COMMD10: variants seen among roughly 807,000 people sequenced by gnomAD.
COMMD10 encodes the protein COMM domain containing 10.
Under a neutral mutation model 28.9 loss-of-function variants are expected in COMMD10, and 33 were observed. The observed-to-expected ratio is 1.14, with a 90% CI of 0.87 to 1.53. The LOEUF (loss-of-function observed/expected upper bound fraction) is 1.53. COMMD10 is among the 40% of genes most tolerant of loss of function. COMMD10 has a pLI of 0.00. For synonymous variants in COMMD10, 110 were observed against 81.7 expected (o/e 1.35, Z -1.87); for missense variants, 310 against 233.4 (o/e 1.33, Z -2.14).
chr5:116,154,094 G>T lies in COMMD10; in HGVS notation c.510+19916G>T, dbSNP rs148451721. 1.1e-4 allele frequency among the ~76,000 whole-genome samples: 16 copies of T among 152,160 alleles called. No homozygotes were observed. In the East Asian group the frequency reaches 3.1e-3, roughly 29 times the overall value. On this transcript the variant is annotated intron_variant, in intron 5 of 6. Transcript: ENST00000274458. ...TGGAACAGACAGGCAGTGTCTGAGG[G>T]GACCTGAGTTCCCAGCCACCCAGCC...
chr5:116,118,330 C>G (rs1452037290), intron 4 of COMMD10, among the ~76,000 whole-genome samples: 1 of 152,120 alleles, frequency 6.6e-6, no homozygotes, highest in African/African-American at 2.4e-5. Context: ...AGAATATAAG[C>G]TCCTCAATGG....
At chr5:116,245,620 C>G (rs895298932) in intron 5 of COMMD10, among the ~76,000 whole-genome samples, 1 of 152,058 alleles carries the variant, frequency 6.6e-6, no homozygotes, top group African/African-American at 2.4e-5. Context: ...AATCCAGCGG[C>G]ACATCAAAAA....
At chr5:116,179,439 A>G (rs1009826692) in intron 5 of COMMD10, among the ~76,000 whole-genome samples, 3 of 152,084 alleles carry the variant, frequency 2.0e-5, no homozygotes, top group African/African-American at 4.8e-5. Context: ...TACTCTTTCC[A>G]TTCGTAAATA....
intron 5 of COMMD10, among the ~76,000 whole-genome samples, chr5:116,165,812 C>G (rs1193892486): frequency 1.3e-5 from 2 of 152,194 alleles, no homozygotes; most frequent in African/African-American, 4.8e-5. Flanking sequence ...CTAATTTAAC[C>G]TTAAATACTT....
chr5:116,116,723 T>A (rs1751247040), intron 4 of COMMD10, among the ~76,000 whole-genome samples: 1 of 89,866 alleles, frequency 1.1e-5, no homozygotes, highest in South Asian at 4.2e-4. Context: ...TTTTTTTTTT[T>A]TTTTTTGAGA....
intron 4 of COMMD10, among the ~76,000 whole-genome samples, chr5:116,122,876 G>T (rs1253028681): frequency 6.6e-6 from 1 of 152,056 alleles, no homozygotes; most frequent in Non-Finnish European, 1.5e-5. Context: ...GGAGATTTTG[G>T]GCTGAGACGA....
At chr5:116,184,575 A>C (rs1466237491) in intron 5 of COMMD10, among the ~76,000 whole-genome samples, 2 of 152,092 alleles carry the variant, frequency 1.3e-5, no homozygotes, top group Non-Finnish European at 2.9e-5. Flanking sequence ...TAGAAATAAG[A>C]TATAATGAAC....
chr5:116,124,226 A>G (rs951623806), intron 4 of COMMD10, among the ~76,000 whole-genome samples: 2 of 152,078 alleles, frequency 1.3e-5, no homozygotes, highest in Non-Finnish European at 2.9e-5. Context: ...ATTTCCTTCT[A>G]CATACTGCTA....
At chr5:116,129,065 A>G (rs890353599) in intron 4 of COMMD10, among the ~76,000 whole-genome samples, 1 of 151,906 alleles carries the variant, frequency 6.6e-6, no homozygotes, top group African/African-American at 2.4e-5. Context: ...ATGTAAACAT[A>G]CAATTCCACG....
In COMMD10 at chr5:116,085,095, TAGCTGATCCGTTA is replaced by T. The variant is rs754842131; in HGVS notation, c.41+7_41+19del. On this transcript the variant is annotated splice_donor_5th_base_variant and intron_variant, in intron 1 of 6. Coordinates refer to ENST00000274458, the MANE Select transcript of COMMD10 (RefSeq NM_016144.4). ...GCTGATCCTACGGGAGAGCCCCAGGTAGCTGATCCGTTAAGCTCTTGCGGTAGCCGCGCCCAGG... is the reference window on the plus strand; with the variant it reads ...GCTGATCCTACGGGAGAGCCCCAGGTAGCTCTTGCGGTAGCCGCGCCCAGG... The T allele has an allele frequency of 6.2e-7, 1 of 1,609,632 alleles. No individual in the cohort carries two copies. Among genetic ancestry groups the T allele is most frequent in the African/African-American group, 1.3e-5 (1 of 74,944 alleles).
intron 5 of COMMD10, among the ~76,000 whole-genome samples, chr5:116,193,536 A>G (rs1748428255): frequency 6.6e-6 from 1 of 152,188 alleles, no homozygotes; most frequent in East Asian, 1.9e-4. Flanking sequence ...CTCTTATGTC[A>G]GACAAAACAA....
chr5:116,168,352 C>T (rs1301720375), intron 5 of COMMD10, among the ~76,000 whole-genome samples: 1 of 151,984 alleles, frequency 6.6e-6, no homozygotes. Context: ...TCTTAGAGAC[C>T]TATGAAGAGA....
chr5:116,254,774 G>A (rs1312469972), intron 5 of COMMD10, among the ~76,000 whole-genome samples: 5 of 151,718 alleles, frequency 3.3e-5, no homozygotes, highest in African/African-American at 1.2e-4. Context: ...TGTATATTCT[G>A]TTGATTTGGG....
chr5:116,215,388 T>A (rs1328207098), intron 5 of COMMD10, among the ~76,000 whole-genome samples: 1 of 151,980 alleles, frequency 6.6e-6, no homozygotes, highest in Admixed American at 6.6e-5. Context: ...TACTGCTACA[T>A]CTAGCTTTTA....
rs183238898 is a variant in COMMD10 at position 116,161,194 on chromosome 5, G to A, written c.510+27016G>A. On this transcript the variant is annotated intron_variant, in intron 5 of 6. Coordinates refer to ENST00000274458, the MANE Select transcript of COMMD10 (RefSeq NM_016144.4). Reference sequence around the variant, plus strand: ...TACTGATTATGTAGAAGGATCATGGGCTTTGGATTCAGCAAACCTGGTTTA... The same window carrying A: ...TACTGATTATGTAGAAGGATCATGGACTTTGGATTCAGCAAACCTGGTTTA... 1.9e-3 allele frequency among the ~76,000 whole-genome samples: 291 copies of A among 152,198 alleles called. 3 individuals are homozygous for A. Among genetic ancestry groups the A allele is most frequent in the African/African-American group, 6.6e-3 (274 of 41,512 alleles).
chr5:116,216,966 T>C (rs1225967263), intron 5 of COMMD10, among the ~76,000 whole-genome samples: 1 of 152,136 alleles, frequency 6.6e-6, no homozygotes, highest in Non-Finnish European at 1.5e-5. Flanking sequence ...AAAGGATTTA[T>C]CAGGATGTTT....
intron 5 of COMMD10, among the ~76,000 whole-genome samples, chr5:116,287,988 G>A (rs181163384): frequency 1.8e-4 from 27 of 151,454 alleles, no homozygotes; most frequent in Admixed American, 7.9e-4. Flanking sequence ...ACAGTATTAC[G>A]TATTACTATA....
At chr5:116,103,367 G>A (rs1019901385) in intron 4 of COMMD10, among the ~76,000 whole-genome samples, 9 of 152,250 alleles carry the variant, frequency 5.9e-5, no homozygotes, top group Middle Eastern at 3.4e-3. Context: ...CATTCTAACT[G>A]GCATGAGATG....
chr5:116,134,851 G>A (rs1238650915), intron 5 of COMMD10, among the ~76,000 whole-genome samples: 1 of 152,022 alleles, frequency 6.6e-6, no homozygotes, highest in African/African-American at 2.4e-5. Flanking sequence ...TCGATCCCCT[G>A]ACCTTGTGAT....
Sources: allele counts gnomAD v4.1 joint callset (sites outside exome capture counted in the v4.1 genomes callset), GRCh38; gene constraint gnomAD v4.1.1; transcripts MANE v1.5; gene names NCBI Gene and HGNC (gene_info 2026-07-23, HGNC 2026-07-21).